The following PACS1 variants were observed in gnomAD, a reference collection of about 807,000 sequenced individuals.
PACS1 encodes PACS-1.
A neutral mutation model predicts 115.0 loss-of-function variants in PACS1; 24 were observed. That is an observed-to-expected ratio of 0.21 (90% CI 0.15 to 0.29). The LOEUF is 0.29. Among genes scored for constraint, PACS1 ranks in the 10% least tolerant of loss-of-function variants. The pLI is 1.00. For missense variants in PACS1, 838 were observed against 1,251.2 expected, an observed-to-expected ratio of 0.67 and a Z score of 4.98; for synonymous variants, 453 against 504.5, an observed-to-expected ratio of 0.90 and a Z score of 1.37.
intron 10 of PACS1, among the ~76,000 whole-genome samples, chr11:66,226,495 A>G (rs764291155): frequency 5.3e-5 from 8 of 152,214 alleles, no homozygotes; most frequent in Non-Finnish European, 1.0e-4. Context: ...GCTGCCAGAC[A>G]TCCCACAGTA....
chr11:66,171,665 C>T (rs1012518353), intron 1 of PACS1, among the ~76,000 whole-genome samples: 1 of 149,868 alleles, frequency 6.7e-6, no homozygotes, highest in Non-Finnish European at 1.5e-5. Flanking sequence ...CTGCAAGCTC[C>T]GCCTCCCAGG....
intron 1 of PACS1, among the ~76,000 whole-genome samples, chr11:66,097,382 C>G (rs1367880976): frequency 3.9e-5 from 6 of 152,146 alleles, no homozygotes; most frequent in African/African-American, 1.4e-4. Flanking sequence ...TGGAGACGGC[C>G]CTGTGGCAGG....
intron 1 of PACS1, among the ~76,000 whole-genome samples, chr11:66,096,884 TA>T (rs2134521665): frequency 6.7e-6 from 1 of 149,968 alleles, no homozygotes; most frequent in South Asian, 2.1e-4. Flanking sequence ...TTTTTTAATG[TA>T]GAGACAGTCT....
At chr11:66,112,055 C>T (rs1284754318) in intron 1 of PACS1, among the ~76,000 whole-genome samples, 1 of 152,214 alleles carries the variant, frequency 6.6e-6, no homozygotes, top group African/African-American at 2.4e-5. Context: ...TTCACACCAC[C>T]CTGTCTCACC....
At chr11:66,234,281 G>T in intron 17 of PACS1, 39 bp downstream of exon 17, 1 of 1,400,902 alleles carries the variant, frequency 7.1e-7, no homozygotes, top group South Asian at 1.2e-5. Context: ...CCACCCCCGG[G>T]GTCCACAGGT....
chr11:66,092,094 C>G (rs1260113746), intron 1 of PACS1, among the ~76,000 whole-genome samples: 1 of 152,150 alleles, frequency 6.6e-6, no homozygotes, highest in Non-Finnish European at 1.5e-5. Flanking sequence ...GAGGAATCGC[C>G]ACATTGACTT....
intron 4 of PACS1, 102 bp downstream of exon 4, chr11:66,211,361 G>A: frequency 8.0e-7 from 1 of 1,250,028 alleles, no homozygotes; most frequent in Non-Finnish European, 1.1e-6. Flanking sequence ...TTCCCAGCCT[G>A]CTGGCTAGGT....
At chr11:66,071,264 C>T (rs572104175) in intron 1 of PACS1, among the ~76,000 whole-genome samples, 1 of 152,344 alleles carries the variant, frequency 6.6e-6, no homozygotes, top group Non-Finnish European at 1.5e-5. Flanking sequence ...TCGATTGTCA[C>T]CTCTTGCAGG....
intron 11 of PACS1, among the ~76,000 whole-genome samples, chr11:66,229,163 C>T (rs915709595): frequency 7.3e-6 from 1 of 137,602 alleles, no homozygotes; most frequent in Non-Finnish European, 1.5e-5. Context: ...ATTGTTTGAG[C>T]CTGGGGATTC....
At chr11:66,195,827 C>T (rs1034642752) in intron 2 of PACS1, among the ~76,000 whole-genome samples, 4 of 152,184 alleles carry the variant, frequency 2.6e-5, no homozygotes, top group African/African-American at 9.7e-5. Context: ...CTTTAAGAAG[C>T]GTTGAGCAGT....
At chr11:66,223,746 GC>G (rs1160629877) in intron 10 of PACS1, among the ~76,000 whole-genome samples, 2 of 152,162 alleles carry the variant, frequency 1.3e-5, no homozygotes, top group African/African-American at 4.8e-5. Flanking sequence ...CTGAGACAGT[GC>G]CCCAAAAGCA....
intron 1 of PACS1, among the ~76,000 whole-genome samples, chr11:66,085,573 T>G: frequency 6.6e-6 from 1 of 152,246 alleles, no homozygotes; most frequent in East Asian, 1.9e-4. Context: ...AGTATATTAT[T>G]CAACTTGTGG....
chr11:66,118,754 G>A lies in PACS1; in HGVS notation c.356+47912G>A, dbSNP rs1314846063. Reference sequence around the variant, plus strand: ...CCAGCCTGGGCTTAGGCAACATGGCGAAACCCCATGTCTACAAAAAAAAAA... The same window carrying A: ...CCAGCCTGGGCTTAGGCAACATGGCAAAACCCCATGTCTACAAAAAAAAAA... On this transcript the variant is annotated intron_variant, in intron 1 of 23. Coordinates refer to ENST00000320580, the MANE Select transcript of PACS1 (RefSeq NM_018026.4). Among the ~76,000 whole-genome samples the A allele has an allele frequency of 1.3e-4, 12 of 88,944 alleles. No homozygotes were observed. In the Admixed American group the frequency reaches 1.5e-3, roughly 11 times the overall value. The allele number at this position is 88,944 out of a possible 152,430, so 58.4% of individuals were successfully genotyped here. A position where few individuals can be genotyped will look rare whatever the true frequency, so the allele number is the denominator to read the frequency against.
At chr11:66,179,691 G>T (rs116746326) in intron 1 of PACS1, among the ~76,000 whole-genome samples, 2,007 of 152,252 alleles carry the variant, frequency 0.013, 39 homozygotes, top group African/African-American at 0.045. Flanking sequence ...AGTACTCTGG[G>T]TTCTAATTGA....
chr11:66,134,405 T>G (rs956151092), intron 1 of PACS1, among the ~76,000 whole-genome samples: 14 of 151,718 alleles, frequency 9.2e-5, no homozygotes, highest in African/African-American at 3.1e-4. Flanking sequence ...AGCTGGGACC[T>G]ACAGGTGCCT....
At chr11:66,239,017 G>A (rs1412608599) in intron 20 of PACS1, 125 bp from the exon 21 acceptor site, 135 of 1,479,556 alleles carry the variant, frequency 9.1e-5, no homozygotes, top group Non-Finnish European at 1.2e-4. Flanking sequence ...TGGGGGAGGT[G>A]GAAGGAGCCT....
Position 66,234,212 on chromosome 11 carries a change from C to G in PACS1, c.2074C>G (p.Leu692Val), listed in dbSNP as rs753449970. 15 of 1,613,854 alleles carry G rather than the reference C, an allele frequency of 9.3e-6. No homozygotes were observed. The South Asian group carries it at 1.1e-4, about 12-fold the overall frequency. Residue 692 changes from leucine (L) to valine (V), a missense_variant, in exon 17 of 24, where the codon CTG becomes GTG. Coordinates refer to ENST00000320580, the MANE Select transcript of PACS1 (RefSeq NM_018026.4). ...CTTCCTGGATTCTGGTTGGAGAGAT[C>G]TGTTCAGTCGCTCGGAGCCACCAGT... ...SSFLDSGWRD[L>V]FSRSEPPVSE...
chr11:66,078,028 A>G (rs1172706845), intron 1 of PACS1, among the ~76,000 whole-genome samples: 1 of 152,124 alleles, frequency 6.6e-6, no homozygotes, highest in African/African-American at 2.4e-5. Flanking sequence ...AGGTACAACA[A>G]AGGTTGGAAT....
intron 1 of PACS1, among the ~76,000 whole-genome samples, chr11:66,189,826 T>C (rs556623531): frequency 1.1e-4 from 17 of 152,344 alleles, no homozygotes; most frequent in African/African-American, 3.6e-4. Flanking sequence ...TCTGCAAAAG[T>C]TGATCATACA....
Sources: allele counts gnomAD v4.1 joint callset (sites outside exome capture counted in the v4.1 genomes callset), GRCh38; gene constraint gnomAD v4.1.1; transcripts MANE v1.5; gene names NCBI Gene and HGNC (gene_info 2026-07-23, HGNC 2026-07-21).